TMEM178B: variants seen among roughly 807,000 people sequenced by gnomAD.
TMEM178B encodes transmembrane protein 178B.
Under a neutral mutation model 31.0 loss-of-function variants are expected in TMEM178B, and 5 were observed. The ratio of observed to expected loss-of-function variants is 0.16; its 90% confidence interval spans 0.08 to 0.34. The LOEUF (loss-of-function observed/expected upper bound fraction) is 0.34. TMEM178B is among the 10% of genes least tolerant of loss of function. The pLI is 1.00. For synonymous variants in TMEM178B, 164 were observed against 164.0 expected (o/e 1.00, Z 0.00); for missense variants, 275 against 400.3 (o/e 0.69, Z 2.67).
chr7:141,203,253 C>T (rs1394112600), intron 1 of TMEM178B, among the ~76,000 whole-genome samples: 1 of 152,080 alleles, frequency 6.6e-6, no homozygotes, highest in East Asian at 1.9e-4. Context: ...TCCATGTGCT[C>T]TTTCTACTTT....
chr7:141,202,094 T>C (rs1056583149), intron 1 of TMEM178B, among the ~76,000 whole-genome samples: 2 of 152,148 alleles, frequency 1.3e-5, no homozygotes, highest in African/African-American at 2.4e-5. Context: ...TAATGCACCT[T>C]TTAGCATTAA....
chr7:141,092,713 A>G (rs750491836), intron 1 of TMEM178B, among the ~76,000 whole-genome samples: 2 of 152,210 alleles, frequency 1.3e-5, no homozygotes, highest in African/African-American at 4.8e-5. Context: ...AGTAAAACAT[A>G]TAATACATTA....
At chr7:141,316,951 G>A (rs1160753061) in intron 2 of TMEM178B, among the ~76,000 whole-genome samples, 1 of 152,168 alleles carries the variant, frequency 6.6e-6, no homozygotes, top group Non-Finnish European at 1.5e-5. Flanking sequence ...TCCAGTAATG[G>A]GAATGATGGT....
intron 1 of TMEM178B, among the ~76,000 whole-genome samples, chr7:141,212,291 C>T (rs1295911331): frequency 2.0e-5 from 3 of 152,170 alleles, no homozygotes; most frequent in Non-Finnish European, 2.9e-5. Context: ...GCCAAACTTC[C>T]TCTCTTGGCT....
intron 2 of TMEM178B, among the ~76,000 whole-genome samples, chr7:141,423,805 G>GTTTT (rs5888005): frequency 1.4e-4 from 15 of 108,812 alleles, no homozygotes; most frequent in African/African-American, 2.8e-4. Context: ...TGACATTTGT[G>GTTTT]TTTTTTTTTT....
intron 1 of TMEM178B, among the ~76,000 whole-genome samples, chr7:141,169,576 A>G (rs1796316509): frequency 6.6e-6 from 1 of 152,200 alleles, no homozygotes; most frequent in Non-Finnish European, 1.5e-5. Context: ...TCTTGGGGTA[A>G]TCAAGGCTCT....
At chr7:141,204,598 A>C (rs970308376) in intron 1 of TMEM178B, among the ~76,000 whole-genome samples, 1 of 152,206 alleles carries the variant, frequency 6.6e-6, no homozygotes, top group African/African-American at 2.4e-5. Flanking sequence ...ACATTGTGTA[A>C]ATACAGCTTG....
chr7:141,389,563 A>G (rs953874033), intron 2 of TMEM178B, among the ~76,000 whole-genome samples: 1 of 152,256 alleles, frequency 6.6e-6, no homozygotes, highest in Admixed American at 6.5e-5. Context: ...CGATGTTCCC[A>G]TGATCTTAAG....
intron 1 of TMEM178B, among the ~76,000 whole-genome samples, chr7:141,099,344 A>G (rs1795015121): frequency 6.6e-6 from 1 of 152,234 alleles, no homozygotes; most frequent in Admixed American, 6.5e-5. Flanking sequence ...AATTTAAACT[A>G]TTAGGTAAGA....
At chr7:141,189,865 T>C (rs1365548329) in intron 1 of TMEM178B, among the ~76,000 whole-genome samples, 1 of 152,126 alleles carries the variant, frequency 6.6e-6, no homozygotes, top group Non-Finnish European at 1.5e-5. Flanking sequence ...TGCTGGGCCC[T>C]GTGTAGCTGT....
chr7:141,209,587 A>G (rs1197447009), intron 1 of TMEM178B, among the ~76,000 whole-genome samples: 12 of 152,236 alleles, frequency 7.9e-5, no homozygotes, highest in African/African-American at 2.9e-4. Context: ...ATGAATGAAT[A>G]AGACAACATC....
At chr7:141,099,869 G>A (rs1196851595) in intron 1 of TMEM178B, among the ~76,000 whole-genome samples, 9 of 144,546 alleles carry the variant, frequency 6.2e-5, no homozygotes, top group African/African-American at 1.6e-4. Context: ...TGGCTTTGTC[G>A]TCCAGGCTGG....
At chr7:141,308,563 C>T (rs2116453555) in intron 2 of TMEM178B, among the ~76,000 whole-genome samples, 1 of 152,196 alleles carries the variant, frequency 6.6e-6, no homozygotes, top group South Asian at 2.1e-4. Flanking sequence ...TGTGCCCGGT[C>T]TCAACACATT....
intron 1 of TMEM178B, among the ~76,000 whole-genome samples, chr7:141,135,057 A>C (rs1311944089): frequency 6.6e-6 from 1 of 152,214 alleles, no homozygotes; most frequent in African/African-American, 2.4e-5. Flanking sequence ...TGACATCCAC[A>C]TAAGATGTGA....
chr7:141,132,215 A>C (rs952478175), intron 1 of TMEM178B, among the ~76,000 whole-genome samples: 2 of 152,174 alleles, frequency 1.3e-5, no homozygotes, highest in East Asian at 3.9e-4. Context: ...TTGGCAGGTC[A>C]TAAGTTCCTA....
chr7:141,163,336 A>G (rs1020120998), intron 1 of TMEM178B, among the ~76,000 whole-genome samples: 1 of 152,134 alleles, frequency 6.6e-6, no homozygotes, highest in Non-Finnish European at 1.5e-5. Context: ...CACTCTCACC[A>G]TATGATATTG....
In TMEM178B at chr7:141,441,093, C is replaced by A. The variant is rs1313548097; in HGVS notation, c.634+3348C>A. On this transcript the variant is annotated intron_variant, in intron 3 of 3. Transcript: ENST00000565468. ...CTGGGTTAGACACAGCTATGGGAGT[C>A]CAGAAGTCCCAGGCAGCTGCCATCT... Among the ~76,000 whole-genome samples the A allele has an allele frequency of 2.0e-5, 3 of 152,142 alleles. No individual in the cohort carries two copies. In the East Asian group the frequency reaches 5.8e-4, roughly 29 times the overall value.
the TMEM178B span, among the ~76,000 whole-genome samples, chr7:141,493,316 G>A: frequency 7.2e-5 from 11 of 152,224 alleles, no homozygotes; most frequent in Non-Finnish European, 1.5e-4. Flanking sequence ...GAGTCCAGAT[G>A]TGTGCGCACT....
At chr7:141,274,868 A>G (rs929773730) in intron 2 of TMEM178B, among the ~76,000 whole-genome samples, 4 of 152,148 alleles carry the variant, frequency 2.6e-5, no homozygotes, top group African/African-American at 9.7e-5. Flanking sequence ...CCCTGGTCTA[A>G]TGGCAGCGCT....
Sources: allele counts gnomAD v4.1 joint callset (sites outside exome capture counted in the v4.1 genomes callset), GRCh38; gene constraint gnomAD v4.1.1; transcripts MANE v1.5; gene names NCBI Gene and HGNC (gene_info 2026-07-23, HGNC 2026-07-21).